Variants in ODAD1 observed in about 807,000 individuals in gnomAD.
ODAD1 encodes outer dynein arm-docking complex subunit 1.
A neutral mutation model predicts 67.2 loss-of-function variants in ODAD1; 49 were observed. The observed-to-expected ratio is 0.73, with a 90% CI of 0.58 to 0.92. The LOEUF is 0.92. Ranked by LOEUF, ODAD1 falls within the 40% of genes least tolerant of loss-of-function variation. The probability of loss-of-function intolerance (pLI) is 0.00; values close to 1 mark genes in which losing one functional copy is unlikely to be tolerated. For missense variants in ODAD1, 897 were observed against 953.7 expected, an observed-to-expected ratio of 0.94 and a Z score of 0.78; for synonymous variants, 345 against 393.7, an observed-to-expected ratio of 0.88 and a Z score of 1.46.
At chr19:48,317,270 G>A (rs1170078132) in intron 5 of ODAD1, among the ~76,000 whole-genome samples, 2 of 152,032 alleles carry the variant, frequency 1.3e-5, no homozygotes, top group African/African-American at 4.8e-5. Context: ...ATATATGTGT[G>A]TGTGTATATC....
intron 8 of ODAD1, 129 bp from the exon 9 acceptor site, chr19:48,304,269 A>C (rs1968549550): frequency 2.2e-6 from 2 of 901,238 alleles, no homozygotes; most frequent in South Asian, 1.8e-5. Flanking sequence ...CCAGATGGGC[A>C]GGGCCAGCCT....
intron 5 of ODAD1, among the ~76,000 whole-genome samples, chr19:48,314,701 G>C (rs1487180560): frequency 6.6e-6 from 1 of 152,154 alleles, no homozygotes; most frequent in East Asian, 1.9e-4. Flanking sequence ...AGCACTTTGA[G>C]AGGCCGAGGC....
Position 48,306,277 on chromosome 19 carries a change from G to C in ODAD1, c.644C>G (p.Ser215Cys). 1 of 1,551,690 alleles carries C rather than the reference G, an allele frequency of 6.4e-7. No homozygotes were observed. Among genetic ancestry groups the C allele is most frequent in the South Asian group, 1.2e-5 (1 of 84,060 alleles). The change falls in exon 8 of 16, where the codon TCC (serine) becomes TGC (cysteine). Residue 215 changes from serine (S) to cysteine (C), a missense_variant. By Grantham distance (112) the Ser-to-Cys change is moderately radical. Transcript: ENST00000674294. ...CTACCTGACGGCGTAGGCAGAGGTGGAGGAGAGGATAAGGGTGCTGACCAG... is the reference window on the plus strand; with the variant it reads ...CTACCTGACGGCGTAGGCAGAGGTGCAGGAGAGGATAAGGGTGCTGACCAG... ...HHLVSTLILS[S>C]TSAYAVREEA...
chr19:48,320,283 AGAAT>A lies in ODAD1; in HGVS notation c.70+12_70+15del. On this transcript the variant is annotated intron_variant, in intron 3 of 15. Transcript: ENST00000674294. ...GGAAAAGAATGGGTGAATGATATAA[AGAAT>A]GAATGAATTACCCATTCCCTCCAGA... is the stretch of plus-strand genomic sequence containing the variant. The A allele has an allele frequency of 8.0e-7, 1 of 1,255,520 alleles. No homozygotes were observed. The highest frequency in any genetic ancestry group is 1.0e-6 in the Non-Finnish European group (1 of 958,652). 77.8% of individuals were successfully genotyped at this position (1,255,520 alleles called of 1,614,324 possible).
intron 7 of ODAD1, among the ~76,000 whole-genome samples, chr19:48,307,221 GATGAA>G (rs1968631781): frequency 6.6e-6 from 1 of 151,548 alleles, no homozygotes; most frequent in Admixed American, 6.6e-5. Context: ...AAGAAAGAAA[GATGAA>G]ATGAGGAATG....
At position 48,298,299 on chromosome 19, in the gene ODAD1, T is replaced by C; in HGVS notation, c.1282A>G (p.Met428Val). Residue 428 changes from methionine to valine, a missense_variant, in exon 13 of 16, where the codon ATG becomes GTG. Transcript: ENST00000674294. ...TTGACCCCAAGGAGGTCATCGATCA[T>C]GCTGCTGTCGCAATGGGCCTTGGTG... ...LFTKAHCDSSMIDDLLGVKTS... is the reference protein window; with the variant it reads ...LFTKAHCDSSVIDDLLGVKTS... 1 of 1,614,210 alleles carries C rather than the reference T, an allele frequency of 6.2e-7. No homozygotes were observed. The highest frequency in any genetic ancestry group is 8.5e-7 in the Non-Finnish European group (1 of 1,180,030).
chr19:48,306,114 A>C (rs747079614), intron 8 of ODAD1, 142 bp downstream of exon 8: 27 of 1,242,030 alleles, frequency 2.2e-5, no homozygotes, highest in Non-Finnish European at 2.6e-5. Context: ...GGTGGCGGGG[A>C]GAGAGAAAAA....
Position 48,303,332 on chromosome 19 carries a change from G to C in ODAD1, c.989-237C>G, listed in dbSNP as rs548403256. On this transcript the variant is annotated intron_variant, in intron 10 of 15. Transcript: ENST00000674294. ...GGCAGAGAGGGAAAGCCAGAGACTC[G>C]GCAATAGCAAGGGAGATGGGGAGAT... The C allele has an allele frequency of 3.6e-5, 22 of 611,794 alleles. 1 individual carries two copies. Among genetic ancestry groups the C allele is most frequent in the Admixed American group, 1.4e-4 (5 of 35,086 alleles). The allele number at this position is 611,794 out of a possible 1,614,324, so 37.9% of individuals were successfully genotyped here.
In ODAD1 at chr19:48,296,489, G is replaced by C. The variant is rs1968282793; in HGVS notation, c.*487C>G. The C allele has an allele frequency of 6.4e-6, 1 of 156,366 alleles. No individual in the cohort carries two copies. Among genetic ancestry groups the C allele is most frequent in the Non-Finnish European group, 1.4e-5 (1 of 71,186 alleles). The allele number at this position is 156,366 out of a possible 1,614,324, so 9.7% of individuals were successfully genotyped here. ...TCCACACATATACTTTATTTCCACA[G>C]TCCCATTTTCCCATGCTGAACCTGG... is the stretch of plus-strand genomic sequence containing the variant. On this transcript the variant is annotated 3_prime_UTR_variant, in exon 16 of 16. Coordinates refer to ENST00000674294, the MANE Select transcript of ODAD1 (RefSeq NM_001364171.2).
intron 12 of ODAD1, among the ~76,000 whole-genome samples, chr19:48,300,806 C>G (rs957170041): frequency 6.6e-5 from 10 of 152,142 alleles, no homozygotes; most frequent in African/African-American, 2.4e-4. Flanking sequence ...AGAGAGAGTA[C>G]GGCACACACG....
chr19:48,308,197 A>G (rs1005395352), intron 7 of ODAD1, among the ~76,000 whole-genome samples: 2 of 151,362 alleles, frequency 1.3e-5, no homozygotes, highest in African/African-American at 2.4e-5. Context: ...TTTTTGAGAC[A>G]GAGTTTCACT....
In ODAD1 at chr19:48,300,750, G is replaced by A. The variant is rs867941875; in HGVS notation, c.1240+1944C>T. 4.6e-5 allele frequency among the ~76,000 whole-genome samples: 7 copies of A among 152,258 alleles called. No homozygotes were observed. In the East Asian group the frequency reaches 7.7e-4, roughly 17 times the overall value. ...ACAAAAACATCTGAATGGCCAATACGATGCTCAATATTATTAGTCACCAGG... is the reference window on the plus strand; with the variant it reads ...ACAAAAACATCTGAATGGCCAATACAATGCTCAATATTATTAGTCACCAGG... On this transcript the variant is annotated intron_variant, in intron 12 of 15. Coordinates refer to ENST00000674294, the MANE Select transcript of ODAD1 (RefSeq NM_001364171.2).
In ODAD1 at chr19:48,298,294, G is replaced by T; in HGVS notation, c.1287C>A (p.Ile429=). The T allele has an allele frequency of 6.2e-7, 1 of 1,614,188 alleles. No individual in the cohort carries two copies. The highest frequency in any genetic ancestry group is 8.5e-7 in the Non-Finnish European group (1 of 1,180,034). ...FTKAHCDSSM[I]DDLLGVKTSM... ...TGGTCTTGACCCCAAGGAGGTCATC[G>T]ATCATGCTGCTGTCGCAATGGGCCT... Residue 429 remains isoleucine, a synonymous_variant, in exon 13 of 16, where the codon ATC becomes ATA. Coordinates refer to ENST00000674294, the MANE Select transcript of ODAD1 (RefSeq NM_001364171.2).
In ODAD1 at chr19:48,318,457, A is replaced by T; in HGVS notation, c.290T>A (p.Leu97Gln). ...SQRLENMDRL[L>Q]KGRAQVQAEI... ...CGCCTGCACCTGGGCCCGGCCCTTC[A>T]GCAGGCGGTCCATGTTCTCCAGCCG... Residue 97 changes from leucine (L) to glutamine (Q), a missense_variant, in exon 5 of 16, where the codon CTG becomes CAG. Physicochemically the swap from Leu to Gln is moderately radical, Grantham distance 113. Transcript: ENST00000674294. 1.3e-6 allele frequency: 2 copies of T among 1,551,598 alleles called. No individual in the cohort carries two copies. Among genetic ancestry groups the T allele is most frequent in the African/African-American group, 1.4e-5 (1 of 73,144 alleles).
Position 48,302,709 on chromosome 19 carries a change from C to T in ODAD1, c.1225G>A (p.Glu409Lys). The change falls in exon 12 of 16, where the codon GAG becomes AAG. Residue 409 changes from glutamate to lysine, a missense_variant. Transcript: ENST00000674294. ...GGGTGCTCACCAGCCTTGAGCTTCT[C>T]CAGCTGTCCCCGCACATCCTGGAAG... is the stretch of plus-strand genomic sequence containing the variant. ...ARFQDVRGQL[E>K]KLKADIQLLF... 6.2e-7 allele frequency: 1 copy of T among 1,611,010 alleles called. No homozygotes were observed. The highest frequency in any genetic ancestry group is 8.5e-7 in the Non-Finnish European group (1 of 1,179,850).
In ODAD1 at chr19:48,304,149, G is replaced by A. The variant is rs754039474; in HGVS notation, c.666-9C>T. On this transcript the variant is annotated splice_polypyrimidine_tract_variant and intron_variant, in intron 8 of 15. Coordinates refer to ENST00000674294, the MANE Select transcript of ODAD1 (RefSeq NM_001364171.2). ...TGGCCTTCGCCTCCTCCCTGCGGGG[G>A]TCAGCCGGGGTCAGGATGACTGGAG... 2.6e-5 allele frequency: 42 copies of A among 1,592,284 alleles called. No individual in the cohort carries two copies. Among genetic ancestry groups the A allele is most frequent in the Non-Finnish European group, 3.2e-5 (37 of 1,168,968 alleles).
intron 7 of ODAD1, among the ~76,000 whole-genome samples, chr19:48,307,611 C>A (rs183245934): frequency 6.6e-6 from 1 of 152,102 alleles, no homozygotes; most frequent in African/African-American, 2.4e-5. Flanking sequence ...GTCAGGAGAT[C>A]GAGACCATCC....
chr19:48,321,541 T>A (rs374985009), intron 1 of ODAD1, 137 bp downstream of exon 1: 61 of 325,110 alleles, frequency 1.9e-4, no homozygotes, highest in African/African-American at 1.2e-3. Flanking sequence ...GCTTCGAGGG[T>A]CGCGTTTGGA....
intron 5 of ODAD1, among the ~76,000 whole-genome samples, chr19:48,317,061 T>C (rs1968918186): frequency 6.6e-6 from 1 of 152,116 alleles, no homozygotes; most frequent in African/African-American, 2.4e-5. Context: ...AACGGGGCAA[T>C]CACAGCTCAC....
Sources: allele counts gnomAD v4.1 joint callset (sites outside exome capture counted in the v4.1 genomes callset), GRCh38; gene constraint gnomAD v4.1.1; transcripts MANE v1.5; gene names NCBI Gene and HGNC (gene_info 2026-07-23, HGNC 2026-07-21).